Variants in MAPK10 observed in about 807,000 individuals in gnomAD.
MAPK10 encodes mitogen-activated protein kinase 10.
A neutral mutation model predicts 59.3 loss-of-function variants in MAPK10; 25 were observed. That is an observed-to-expected ratio of 0.42 (90% CI 0.31 to 0.59). The LOEUF is 0.59. Among genes scored for constraint, MAPK10 ranks in the 20% least tolerant of loss-of-function variants. The pLI, the probability that MAPK10 is intolerant of heterozygous loss-of-function variation, is 0.15. For synonymous variants in MAPK10, 190 were observed against 200.5 expected (o/e 0.95, Z 0.44); for missense variants, 351 against 568.9 (o/e 0.62, Z 3.90).
At position 86,071,367 on chromosome 4, in the gene MAPK10, C is replaced by A. The variant is rs573659792; in HGVS notation, c.803-3412G>T. ...TGCCTGTTCACTCTGATGGTAGTTT[C>A]TTTTGCTGTGCAGAAGCTCTTTAGT... is the stretch of plus-strand genomic sequence containing the variant. On this transcript the variant is annotated intron_variant, in intron 9 of 13. Transcript: ENST00000641462. Among the ~76,000 whole-genome samples, 8 of 121,272 alleles carry A rather than the reference C, an allele frequency of 6.6e-5. No individual in the cohort carries two copies. The South Asian group carries it at 1.2e-3, about 18-fold the overall frequency. The allele number at this position is 121,272 out of a possible 152,430, so 79.6% of individuals were successfully genotyped here.
At chr4:86,400,919 T>A (rs1743624713) in intron 1 of MAPK10, among the ~76,000 whole-genome samples, 1 of 152,166 alleles carries the variant, frequency 6.6e-6, no homozygotes, top group Non-Finnish European at 1.5e-5. Flanking sequence ...ACAAGAAGAT[T>A]TTTATTGTGT....
At chr4:86,377,837 G>T (rs1740059445) in intron 1 of MAPK10, among the ~76,000 whole-genome samples, 1 of 152,138 alleles carries the variant, frequency 6.6e-6, no homozygotes, top group African/African-American at 2.4e-5. Context: ...GGAGTCCGAT[G>T]TTCGAGGGCA....
At chr4:86,299,283 T>C (rs1314541926) in intron 2 of MAPK10, among the ~76,000 whole-genome samples, 3 of 152,224 alleles carry the variant, frequency 2.0e-5, no homozygotes, top group Non-Finnish European at 4.4e-5. Flanking sequence ...TATATTTAAG[T>C]CATCTCATTA....
intron 1 of MAPK10, among the ~76,000 whole-genome samples, chr4:86,547,868 C>G (rs1759367169): frequency 6.6e-6 from 1 of 152,214 alleles, no homozygotes; most frequent in East Asian, 1.9e-4. Context: ...CTGTATTTAG[C>G]TACTCTGGTG....
At chr4:86,269,349 C>T (rs1319196054) in intron 2 of MAPK10, among the ~76,000 whole-genome samples, 2 of 152,252 alleles carry the variant, frequency 1.3e-5, no homozygotes, top group African/African-American at 4.8e-5. Flanking sequence ...TTTCTCTTTA[C>T]AAGACTCACT....
intron 1 of MAPK10, among the ~76,000 whole-genome samples, chr4:86,432,776 C>A (rs1748214104): frequency 6.6e-6 from 1 of 152,150 alleles, no homozygotes; most frequent in African/African-American, 2.4e-5. Flanking sequence ...GGCAATCAAT[C>A]CTCAGTGGCA....
chr4:86,161,386 A>G (rs1165870016), intron 3 of MAPK10, among the ~76,000 whole-genome samples: 1 of 152,064 alleles, frequency 6.6e-6, no homozygotes, highest in Non-Finnish European at 1.5e-5. Context: ...TGGCAGAAAA[A>G]AGAACATCAG....
intron 2 of MAPK10, among the ~76,000 whole-genome samples, chr4:86,266,831 A>T (rs1197926475): frequency 6.6e-6 from 1 of 152,106 alleles, no homozygotes; most frequent in Admixed American, 6.6e-5. Context: ...ATAAGATATT[A>T]AAAATATAAT....
intron 3 of MAPK10, among the ~76,000 whole-genome samples, chr4:86,172,600 G>C (rs1026929041): frequency 6.6e-6 from 1 of 150,986 alleles, no homozygotes; most frequent in African/African-American, 2.5e-5. Flanking sequence ...GGGAGGGATA[G>C]CATTAGGAGA....
chr4:86,109,748 C>A (rs1289239419), intron 4 of MAPK10, among the ~76,000 whole-genome samples: 1 of 152,126 alleles, frequency 6.6e-6, no homozygotes, highest in Non-Finnish European at 1.5e-5. Flanking sequence ...TGGGTATATA[C>A]CCGGTAATGG....
chr4:86,155,959 G>A (rs1370719194), intron 4 of MAPK10, among the ~76,000 whole-genome samples: 1 of 151,990 alleles, frequency 6.6e-6, no homozygotes, highest in Non-Finnish European at 1.5e-5. Context: ...AGACAGCCTG[G>A]ATATGCTACA....
chr4:86,239,960 T>A (rs2092599569), intron 2 of MAPK10, among the ~76,000 whole-genome samples: 1 of 152,104 alleles, frequency 6.6e-6, no homozygotes, highest in South Asian at 2.1e-4. Context: ...TGATCTGAGA[T>A]CTTTCTAGCT....
intron 1 of MAPK10, among the ~76,000 whole-genome samples, chr4:86,572,151 C>G (rs1422330117): frequency 1.3e-5 from 2 of 152,080 alleles, no homozygotes; most frequent in Non-Finnish European, 2.9e-5. Context: ...AAACACTACA[C>G]AAAATTTACT....
intron 11 of MAPK10, 111 bp downstream of exon 11, chr4:86,064,155 G>A: frequency 5.1e-6 from 7 of 1,370,942 alleles, no homozygotes; most frequent in South Asian, 2.8e-5. Flanking sequence ...TTTGGACTTA[G>A]AAATTTTATA....
Position 86,531,970 on chromosome 4 carries a change from C to T in MAPK10, c.-263+61940G>A, listed in dbSNP as rs914206785. Reference sequence around the variant, plus strand: ...TCAGGGAGCTGAGGTAGAAGGATTGCTTGAGACCAGGAGTTCAAAGACAGC... The same window carrying T: ...TCAGGGAGCTGAGGTAGAAGGATTGTTTGAGACCAGGAGTTCAAAGACAGC... On this transcript the variant is annotated intron_variant, in intron 1 of 4. Coordinates refer to the MAPK10 transcript ENST00000502302. 2.0e-5 allele frequency among the ~76,000 whole-genome samples: 3 copies of T among 151,706 alleles called. No individual in the cohort carries two copies. The South Asian group carries it at 6.2e-4, about 32-fold the overall frequency.
At chr4:86,067,691 A>G in intron 10 of MAPK10, 82 bp downstream of exon 10, 1 of 1,143,218 alleles carries the variant, frequency 8.7e-7, no homozygotes, top group Non-Finnish European at 1.2e-6. Flanking sequence ...AACAAAGAGA[A>G]AGAGATAGAG....
intron 2 of MAPK10, among the ~76,000 whole-genome samples, chr4:86,235,039 A>G (rs934540965): frequency 2.0e-5 from 3 of 152,104 alleles, no homozygotes; most frequent in African/African-American, 7.2e-5. Context: ...TAGATAAATC[A>G]TATTATTTGT....
At chr4:86,438,179 G>A (rs777570183) in intron 1 of MAPK10, among the ~76,000 whole-genome samples, 10 of 152,034 alleles carry the variant, frequency 6.6e-5, no homozygotes, top group African/African-American at 1.2e-4. Flanking sequence ...TGGCAATTTC[G>A]CTTACTGAAA....
At chr4:86,284,683 A>T (rs1226851929) in intron 2 of MAPK10, among the ~76,000 whole-genome samples, 1 of 152,192 alleles carries the variant, frequency 6.6e-6, no homozygotes, top group Non-Finnish European at 1.5e-5. Flanking sequence ...ATTAATGATG[A>T]TGCTAATGAT....
Sources: gnomAD v4.1 joint callset for allele counts (sites outside exome capture counted in the v4.1 genomes callset) on GRCh38, gnomAD v4.1.1 for gene constraint, MANE v1.5 for transcripts, NCBI Gene and HGNC (gene_info 2026-07-23, HGNC 2026-07-21) for gene names.